Variants in FAM135B observed in about 807,000 individuals in gnomAD.
The protein encoded by FAM135B is family with sequence similarity 135 member B, also known as protein FAM135B.
Under a neutral mutation model 127.7 loss-of-function variants are expected in FAM135B, and 43 were observed. That is an observed-to-expected ratio of 0.34 (90% confidence interval 0.26 to 0.43). The LOEUF (loss-of-function observed/expected upper bound fraction) is 0.43. FAM135B is among the 20% of genes least tolerant of loss of function. The pLI is 1.00. For synonymous variants in FAM135B, 670 were observed against 665.1 expected, an observed-to-expected ratio of 1.01 and a Z score of -0.11; for missense variants, 1,558 against 1,725.6, an observed-to-expected ratio of 0.90 and a Z score of 1.72.
chr8:138,399,982 A>G (rs1206601428), intron 1 of FAM135B, among the ~76,000 whole-genome samples: 1 of 152,216 alleles, frequency 6.6e-6, no homozygotes, highest in Non-Finnish European at 1.5e-5. Flanking sequence ...CCATGAATAT[A>G]TATCGTCATC....
intron 7 of FAM135B, among the ~76,000 whole-genome samples, chr8:138,233,539 G>A (rs887470996): frequency 2.6e-5 from 4 of 152,076 alleles, no homozygotes; most frequent in Admixed American, 6.6e-5. Context: ...ACACTTAAAC[G>A]TCAGACCCAA....
rs60918986 is a variant in FAM135B at position 138,414,119 on chromosome 8, C to CATATATATATATAT, written c.-19-46131_-19-46118dup. Reference sequence around the variant, plus strand: ...AAGTTCCCCTGTTCACACACAAATACATATATATATATATATATATGCACA... The same window carrying CATATATATATATAT: ...AAGTTCCCCTGTTCACACACAAATACATATATATATATATATATATATATATATATATATGCACA... On this transcript the variant is annotated intron_variant, in intron 1 of 19. Coordinates refer to ENST00000395297, the MANE Select transcript of FAM135B (RefSeq NM_015912.4). Among the ~76,000 whole-genome samples, 334 of 124,670 alleles carry CATATATATATATAT rather than the reference C, an allele frequency of 2.7e-3. 7 individuals are homozygous for CATATATATATATAT. Among genetic ancestry groups the CATATATATATATAT allele is most frequent in the South Asian group, 7.9e-3 (31 of 3,946 alleles). 81.8% of individuals were successfully genotyped at this position (124,670 alleles called of 152,430 possible). A position where few individuals can be genotyped will look rare whatever the true frequency, so the allele number is the denominator to read the frequency against.
chr8:138,463,099 T>A (rs565688651), intron 1 of FAM135B, among the ~76,000 whole-genome samples: 1 of 152,118 alleles, frequency 6.6e-6, no homozygotes, highest in Non-Finnish European at 1.5e-5. Flanking sequence ...AAACTGAAGA[T>A]CTCAGTTCTA....
chr8:138,264,706 A>C (rs1052120142), intron 4 of FAM135B, among the ~76,000 whole-genome samples: 3 of 152,290 alleles, frequency 2.0e-5, no homozygotes, highest in African/African-American at 7.2e-5. Flanking sequence ...TTAAGGAATA[A>C]AGAATGAGTG....
At position 138,456,029 on chromosome 8, in the gene FAM135B, G is replaced by A. The variant is rs548822578; in HGVS notation, c.-20+40642C>T. Among the ~76,000 whole-genome samples, 7 of 152,294 alleles carry A rather than the reference G, an allele frequency of 4.6e-5. No homozygotes were observed. The East Asian group carries it at 1.4e-3, about 29-fold the overall frequency. On this transcript the variant is annotated intron_variant, in intron 1 of 19. Transcript: ENST00000395297. ...AAAAATAAATTATCTATTCAGAAGTGTACGTGAGGACCAAATGTAATGTCA... is the reference window on the plus strand; with the variant it reads ...AAAAATAAATTATCTATTCAGAAGTATACGTGAGGACCAAATGTAATGTCA...
At chr8:138,488,938 T>G (rs1815097410) in intron 1 of FAM135B, among the ~76,000 whole-genome samples, 1 of 152,210 alleles carries the variant, frequency 6.6e-6, no homozygotes, top group Non-Finnish European at 1.5e-5. Context: ...GTACTGGGAT[T>G]ACAGGCGTGA....
At chr8:138,291,349 C>T (rs1825096054) in intron 3 of FAM135B, among the ~76,000 whole-genome samples, 1 of 152,086 alleles carries the variant, frequency 6.6e-6, no homozygotes, top group East Asian at 1.9e-4. Flanking sequence ...CATAAAATGA[C>T]CATCACACAA....
chr8:138,247,202 T>C (rs1422555120), intron 6 of FAM135B, among the ~76,000 whole-genome samples: 1 of 152,230 alleles, frequency 6.6e-6, no homozygotes, highest in Non-Finnish European at 1.5e-5. Flanking sequence ...GAGGGACTGT[T>C]AGAAAGGCAT....
At chr8:138,175,791 A>T (rs1377978559) in intron 11 of FAM135B, among the ~76,000 whole-genome samples, 1 of 152,228 alleles carries the variant, frequency 6.6e-6, no homozygotes, top group Non-Finnish European at 1.5e-5. Context: ...TTGAAATTAT[A>T]TAATTTATGT....
intron 6 of FAM135B, among the ~76,000 whole-genome samples, chr8:138,245,734 G>C (rs4288378): frequency 0.68 from 104,155 of 152,116 alleles, 36,439 homozygotes; most frequent in African/African-American, 0.79. Context: ...AAAAATGTGG[G>C]AGTGACTTTA....
intron 7 of FAM135B, among the ~76,000 whole-genome samples, chr8:138,206,120 ACACAGGC>A (rs1817537737): frequency 1.8e-5 from 1 of 56,540 alleles, no homozygotes; most frequent in African/African-American, 6.8e-5. Flanking sequence ...CTCCACCTAC[ACACAGGC>A]CAGCAGCACC....
At chr8:138,226,205 T>G (rs1819438109) in intron 7 of FAM135B, among the ~76,000 whole-genome samples, 1 of 108,144 alleles carries the variant, frequency 9.2e-6, no homozygotes, top group African/African-American at 3.4e-5. Flanking sequence ...CATTTTTTTT[T>G]TCATTGATTC....
At chr8:138,330,001 G>A (rs911747185) in intron 2 of FAM135B, among the ~76,000 whole-genome samples, 1 of 152,252 alleles carries the variant, frequency 6.6e-6, no homozygotes, top group African/African-American at 2.4e-5. Context: ...ATGCTGGCTT[G>A]CATCTGGGCA....
intron 1 of FAM135B, chr8:138,441,826 G>A (rs183302446): frequency 6.6e-6 from 1 of 151,992 alleles, no homozygotes; most frequent in Non-Finnish European, 1.5e-5. Flanking sequence ...CTGTGAGAAG[G>A]GGGTAGTCTG....
chr8:138,276,548 A>G lies in FAM135B; in HGVS notation c.158-10706T>C, dbSNP rs959364671. The stretch of plus-strand genomic sequence containing the variant: ...CCCTCCAGCAGGGCCTGCCCACTCC[A>G]GAGGCTAAGATAAGCCCAGCCAGTC... On this transcript the variant is annotated intron_variant, in intron 3 of 19. Transcript: ENST00000395297. Among the ~76,000 whole-genome samples, 5 of 151,884 alleles carry G rather than the reference A, an allele frequency of 3.3e-5. No individual in the cohort carries two copies. The South Asian group carries it at 8.3e-4, about 25-fold the overall frequency.
chr8:138,224,340 C>G (rs988579368), intron 7 of FAM135B, among the ~76,000 whole-genome samples: 1 of 152,160 alleles, frequency 6.6e-6, no homozygotes, highest in Non-Finnish European at 1.5e-5. Flanking sequence ...AGAAAGTCAT[C>G]CAGCATCAAA....
intron 7 of FAM135B, among the ~76,000 whole-genome samples, chr8:138,224,956 G>A (rs1000995807): frequency 1.3e-5 from 2 of 152,152 alleles, no homozygotes; most frequent in Admixed American, 1.3e-4. Flanking sequence ...GGAAAAAAAA[G>A]GACAAATTGG....
intron 2 of FAM135B, among the ~76,000 whole-genome samples, chr8:138,316,351 A>G (rs922248042): frequency 2.0e-5 from 3 of 152,044 alleles, no homozygotes; most frequent in Non-Finnish European, 4.4e-5. Flanking sequence ...AAAATTAGCC[A>G]GGCGCAGTGG....
intron 1 of FAM135B, among the ~76,000 whole-genome samples, chr8:138,369,783 A>G: frequency 6.6e-6 from 1 of 152,146 alleles, no homozygotes; most frequent in East Asian, 1.9e-4. Flanking sequence ...TCATAATCAC[A>G]TTAAACATCA....
Sources: gnomAD v4.1 joint callset for allele counts (sites outside exome capture counted in the v4.1 genomes callset) on GRCh38, gnomAD v4.1.1 for gene constraint, MANE v1.5 for transcripts, NCBI Gene and HGNC (gene_info 2026-07-23, HGNC 2026-07-21) for gene names.